The following CLASP2 variants were observed in gnomAD, a reference collection of about 807,000 sequenced individuals.
CLASP2 encodes CLIP-associating protein 2.
A neutral mutation model predicts 194.4 loss-of-function variants in CLASP2; 47 were observed. The observed-to-expected ratio is 0.24, with a 90% confidence interval of 0.19 to 0.31. The LOEUF is 0.31. Ranked by LOEUF, CLASP2 falls within the 10% of genes least tolerant of loss-of-function variation. The probability of loss-of-function intolerance (pLI) is 1.00; values close to 1 mark genes in which losing one functional copy is unlikely to be tolerated. For synonymous variants in CLASP2, 619 were observed against 633.5 expected (o/e 0.98, Z 0.34); for missense variants, 1,445 against 1,823.6 (o/e 0.79, Z 3.78).
chr3:33,513,367 C>T (rs1249587715), intron 36 of CLASP2, among the ~76,000 whole-genome samples: 4 of 151,898 alleles, frequency 2.6e-5, no homozygotes, highest in African/African-American at 7.3e-5. Context: ...AGCGAAACCC[C>T]GTTTCCACAC....
intron 8 of CLASP2, among the ~76,000 whole-genome samples, chr3:33,638,366 G>A (rs2080599787): frequency 1.3e-5 from 2 of 151,954 alleles, no homozygotes; most frequent in Non-Finnish European, 2.9e-5. Context: ...GTGCAGTGGC[G>A]CAATCTCGGC....
intron 19 of CLASP2, among the ~76,000 whole-genome samples, chr3:33,596,075 G>T (rs1477119635): frequency 2.0e-5 from 3 of 151,592 alleles, no homozygotes; most frequent in Non-Finnish European, 4.4e-5. Flanking sequence ...TAACATTATG[G>T]TATCTGCTGA....
chr3:33,658,969 C>T (rs1559555907), intron 7 of CLASP2: 4 of 1,534,304 alleles, frequency 2.6e-6, no homozygotes, highest in Non-Finnish European at 3.5e-6. Flanking sequence ...ATAAATCTTA[C>T]TCACCATCTC....
chr3:33,550,285 A>G (rs2059794277), intron 30 of CLASP2, among the ~76,000 whole-genome samples: 1 of 150,414 alleles, frequency 6.6e-6, no homozygotes, highest in South Asian at 2.1e-4. Context: ...AATCCCAGCT[A>G]CTCAGGAGGC....
intron 17 of CLASP2, among the ~76,000 whole-genome samples, chr3:33,603,338 T>G (rs1363416150): frequency 6.6e-6 from 1 of 152,212 alleles, no homozygotes; most frequent in Non-Finnish European, 1.5e-5. Context: ...TTTCTCTACC[T>G]TATTTCTCTC....
chr3:33,533,832 C>G (rs2056809545), intron 34 of CLASP2, among the ~76,000 whole-genome samples: 1 of 152,144 alleles, frequency 6.6e-6, no homozygotes, highest in African/African-American at 2.4e-5. Flanking sequence ...ATTCTCCTGC[C>G]TCAGCTCCCG....
chr3:33,516,192 T>C (rs1335898611), intron 35 of CLASP2, 41 bp from the exon 36 acceptor site: 5 of 1,541,100 alleles, frequency 3.2e-6, no homozygotes, highest in African/African-American at 1.4e-5. Flanking sequence ...TTTTGGGTTG[T>C]AGATAATCTT....
chr3:33,531,431 G>A (rs12631731), intron 34 of CLASP2, among the ~76,000 whole-genome samples: 37,654 of 152,100 alleles, frequency 0.25, 5,060 homozygotes, highest in Admixed American at 0.4. Flanking sequence ...TGGCCAATAA[G>A]CACAGGAAAA....
intron 6 of CLASP2, among the ~76,000 whole-genome samples, chr3:33,677,552 T>G (rs2088957564): frequency 1.1e-5 from 1 of 93,404 alleles, no homozygotes; most frequent in Non-Finnish European, 2.0e-5. Flanking sequence ...TGGGGACTGT[T>G]GTGGGGTGGG....
chr3:33,502,747 T>A (rs1049025319), intron 37 of CLASP2: 8 of 152,244 alleles, frequency 5.3e-5, no homozygotes, highest in African/African-American at 1.9e-4. Flanking sequence ...CTAATCATTT[T>A]ATCTTTCTAA....
rs763975584 is a variant in CLASP2 at position 33,632,286 on chromosome 3, C to G, written c.942+6G>C. ...TATTCACGGGGAGTGCCACTGGTAG[C>G]CTTACCTGAATAGAAGGGACATCTG... On this transcript the variant is annotated splice_donor_region_variant and intron_variant, in intron 9 of 38. Transcript: ENST00000682230. 1 of 1,586,780 alleles carries G rather than the reference C, an allele frequency of 6.3e-7. No homozygotes were observed. Among genetic ancestry groups the G allele is most frequent in the East Asian group, 2.3e-5 (1 of 44,044 alleles).
At chr3:33,619,972 T>G (rs2076847893) in intron 11 of CLASP2, among the ~76,000 whole-genome samples, 3 of 152,226 alleles carry the variant, frequency 2.0e-5, no homozygotes, top group Admixed American at 2.0e-4. Flanking sequence ...CTCATCTCTT[T>G]GCAATTAGCA....
At chr3:33,581,199 T>TA (rs1316412841) in intron 23 of CLASP2, among the ~76,000 whole-genome samples, 5 of 152,274 alleles carry the variant, frequency 3.3e-5, no homozygotes, top group Admixed American at 1.3e-4. Flanking sequence ...ACTGAATGTT[T>TA]AAAAAATCAT....
At chr3:33,643,738 C>T (rs1415682889) in intron 8 of CLASP2, among the ~76,000 whole-genome samples, 1 of 151,794 alleles carries the variant, frequency 6.6e-6, no homozygotes, top group Non-Finnish European at 1.5e-5. Flanking sequence ...TAGAATCTCA[C>T]ATGATGGGAA....
At position 33,534,777 on chromosome 3, in the gene CLASP2, C is replaced by A. The variant is rs1182554450; in HGVS notation, c.3787+456G>T. 2.6e-5 allele frequency among the ~76,000 whole-genome samples: 4 copies of A among 152,264 alleles called. No individual in the cohort carries two copies. In the East Asian group the frequency reaches 7.7e-4, roughly 29 times the overall value. On this transcript the variant is annotated intron_variant, in intron 34 of 38. Coordinates refer to ENST00000682230, the MANE Select transcript of CLASP2 (RefSeq NM_001365631.1). Reference sequence around the variant, plus strand: ...AGCTTAGAACTAAGCCCATTTCACCCAAATTCAAATCCTAATGGTAACTTT... The same window carrying A: ...AGCTTAGAACTAAGCCCATTTCACCAAAATTCAAATCCTAATGGTAACTTT...
chr3:33,649,732 G>C (rs534451756), intron 7 of CLASP2, among the ~76,000 whole-genome samples: 11 of 152,204 alleles, frequency 7.2e-5, no homozygotes, highest in Non-Finnish European at 1.0e-4. Context: ...CTATACCCTC[G>C]AGGTTAAAGT....
chr3:33,669,029 A>G (rs2086683840), intron 6 of CLASP2, among the ~76,000 whole-genome samples: 1 of 152,250 alleles, frequency 6.6e-6, no homozygotes, highest in Non-Finnish European at 1.5e-5. Context: ...AATCAAATAA[A>G]GAGTTTCCTC....
intron 13 of CLASP2, among the ~76,000 whole-genome samples, chr3:33,610,028 T>C (rs952562314): frequency 2.0e-5 from 3 of 152,206 alleles, no homozygotes; most frequent in Non-Finnish European, 4.4e-5. Context: ...AAGTCTCATT[T>C]CTACACATGA....
chr3:33,519,044 GA>G (rs1163377407), intron 34 of CLASP2, among the ~76,000 whole-genome samples: 1 of 152,170 alleles, frequency 6.6e-6, no homozygotes, highest in Non-Finnish European at 1.5e-5. Flanking sequence ...AGTAAAATGG[GA>G]AAATAGCATC....
Sources: allele counts gnomAD v4.1 joint callset (sites outside exome capture counted in the v4.1 genomes callset), GRCh38; gene constraint gnomAD v4.1.1; transcripts MANE v1.5; gene names NCBI Gene and HGNC (gene_info 2026-07-23, HGNC 2026-07-21).